The following SCAPER variants were observed in gnomAD, a reference collection of about 807,000 sequenced individuals.
The protein encoded by SCAPER is S-phase cyclin A associated protein in the ER.
In SCAPER, 98 loss-of-function variants were observed where a neutral mutation model predicts 182.2. The ratio of observed to expected loss-of-function variants is 0.54; its 90% CI spans 0.46 to 0.64. The LOEUF (loss-of-function observed/expected upper bound fraction) is 0.64, where lower values mean the gene tolerates loss of function less well. SCAPER is among the 30% of genes least tolerant of loss of function. The pLI is 0.00. For missense variants in SCAPER, 1,432 were observed against 1,690.0 expected (o/e 0.85, Z 2.68); for synonymous variants, 605 against 564.6 (o/e 1.07, Z -1.01).
chr15:76,650,290 A>T (rs982823227), intron 21 of SCAPER, among the ~76,000 whole-genome samples: 3 of 152,052 alleles, frequency 2.0e-5, no homozygotes, highest in African/African-American at 7.2e-5. Flanking sequence ...AAATATAAAG[A>T]GACATAGTTA....
At chr15:76,692,388 G>C (rs1042803354) in intron 20 of SCAPER, among the ~76,000 whole-genome samples, 1 of 152,030 alleles carries the variant, frequency 6.6e-6, no homozygotes, top group African/African-American at 2.4e-5. Context: ...CACCTTAGGA[G>C]TTAGAAAAAT....
chr15:76,821,526 G>T lies in SCAPER; in HGVS notation c.394-16893C>A, dbSNP rs1475504638. On this transcript the variant is annotated intron_variant, in intron 5 of 31. Transcript: ENST00000563290. ...AGTCCCAGCTACTAGAGAGGCTGAGGTTGGGGGGGATCACTTGAGCCTGGG... is the reference window on the plus strand; with the variant it reads ...AGTCCCAGCTACTAGAGAGGCTGAGTTTGGGGGGGATCACTTGAGCCTGGG... Among the ~76,000 whole-genome samples the T allele has an allele frequency of 3.9e-5, 6 of 152,294 alleles. No individual in the cohort carries two copies. In the East Asian group the frequency reaches 1.2e-3, roughly 29 times the overall value.
In SCAPER at chr15:76,464,863, A is replaced by T. The variant is rs2049475500; in HGVS notation, c.3078+6349T>A. Among the ~76,000 whole-genome samples, 3 of 152,212 alleles carry T rather than the reference A, an allele frequency of 2.0e-5. No homozygotes were observed. In the South Asian group the frequency reaches 6.2e-4, roughly 32 times the overall value. ...AGTGCCTGCACCAAAAGTGCACAAC[A>T]TTTCCAATTTCACCACACTCCTACC... is the stretch of plus-strand genomic sequence containing the variant. On this transcript the variant is annotated intron_variant, in intron 25 of 31. Transcript: ENST00000563290.
intron 18 of SCAPER, among the ~76,000 whole-genome samples, chr15:76,705,018 C>G (rs1248527528): frequency 1.3e-5 from 2 of 152,124 alleles, no homozygotes; most frequent in African/African-American, 4.8e-5. Context: ...ACTAGAAATA[C>G]CATTTGACCC....
chr15:76,759,232 G>C (rs189830503), intron 14 of SCAPER, among the ~76,000 whole-genome samples: 2 of 152,078 alleles, frequency 1.3e-5, no homozygotes, highest in South Asian at 2.1e-4. Context: ...AGTCTGTTTT[G>C]TGTTGCTATA....
At chr15:76,470,344 T>C (rs1027420751) in intron 25 of SCAPER, among the ~76,000 whole-genome samples, 1 of 152,140 alleles carries the variant, frequency 6.6e-6, no homozygotes, top group African/African-American at 2.4e-5. Flanking sequence ...ACATAAGAAG[T>C]ATACTTAACC....
intron 5 of SCAPER, among the ~76,000 whole-genome samples, chr15:76,815,708 A>G (rs1212186982): frequency 6.6e-6 from 1 of 152,118 alleles, no homozygotes. Flanking sequence ...CACAAACCCT[A>G]TTGTGAGCGG....
chr15:76,462,079 C>G (rs2049230095), intron 25 of SCAPER, among the ~76,000 whole-genome samples: 3 of 152,160 alleles, frequency 2.0e-5, no homozygotes, highest in South Asian at 4.1e-4. Context: ...CATTCTAGCA[C>G]TTGTCTTTGC....
At chr15:76,615,819 CAAAAAA>C (rs61031189) in intron 22 of SCAPER, among the ~76,000 whole-genome samples, 1 of 82,398 alleles carries the variant, frequency 1.2e-5, no homozygotes. Context: ...GATTCCATCT[CAAAAAA>C]AAAAAAAAAA....
chr15:76,468,852 T>C (rs1283539594), intron 25 of SCAPER, among the ~76,000 whole-genome samples: 1 of 152,112 alleles, frequency 6.6e-6, no homozygotes, highest in Non-Finnish European at 1.5e-5. Flanking sequence ...TGAATGGGAT[T>C]AGTGCCCTTA....
chr15:76,731,092 T>C (rs1468708325), intron 16 of SCAPER, among the ~76,000 whole-genome samples: 2 of 152,054 alleles, frequency 1.3e-5, no homozygotes, highest in East Asian at 1.9e-4. Flanking sequence ...CTGCAAAGGG[T>C]AGGGATTTCT....
intron 14 of SCAPER, among the ~76,000 whole-genome samples, chr15:76,761,290 GT>G (rs1485058744): frequency 6.6e-6 from 1 of 151,874 alleles, no homozygotes; most frequent in Non-Finnish European, 1.5e-5. Flanking sequence ...CCACCGTTTT[GT>G]TGATTTTTTC....
rs187403630 is a variant in SCAPER, at chr15:76,693,514, A to G, written c.2508+8244T>C. Among the ~76,000 whole-genome samples, 180 of 152,316 alleles carry G rather than the reference A, an allele frequency of 1.2e-3. 1 individual carries two copies. Among genetic ancestry groups the G allele is most frequent in the African/African-American group, 4.2e-3 (173 of 41,582 alleles). Reference sequence around the variant, plus strand: ...CTAAGAAAACTGAAAGCAAGGACTCAAACAAATATTTGTATAACCCATGTT... The same window carrying G: ...CTAAGAAAACTGAAAGCAAGGACTCGAACAAATATTTGTATAACCCATGTT... On this transcript the variant is annotated intron_variant, in intron 20 of 31. Coordinates refer to ENST00000563290, the MANE Select transcript of SCAPER (RefSeq NM_020843.4).
At chr15:76,661,946 G>T (rs964931167) in intron 21 of SCAPER, among the ~76,000 whole-genome samples, 1 of 152,140 alleles carries the variant, frequency 6.6e-6, no homozygotes. Context: ...GCCCATCAAT[G>T]ATAGACTGAA....
intron 26 of SCAPER, among the ~76,000 whole-genome samples, chr15:76,420,167 C>A (rs1285115470): frequency 3.3e-5 from 5 of 151,896 alleles, no homozygotes; most frequent in Middle Eastern, 3.5e-3. Flanking sequence ...GACAAACCCA[C>A]AGCTAATGTC....
chr15:76,711,786 T>C (rs2059589160), intron 17 of SCAPER, among the ~76,000 whole-genome samples: 1 of 152,078 alleles, frequency 6.6e-6, no homozygotes, highest in Non-Finnish European at 1.5e-5. Context: ...ATGGGGTTGT[T>C]TGTTTTTTTC....
At chr15:76,762,295 T>C (rs1369852246) in intron 14 of SCAPER, among the ~76,000 whole-genome samples, 1 of 152,074 alleles carries the variant, frequency 6.6e-6, no homozygotes, top group Non-Finnish European at 1.5e-5. Context: ...ATTTTGCTAC[T>C]TATTTTCTCT....
intron 26 of SCAPER, among the ~76,000 whole-genome samples, chr15:76,405,890 T>A (rs1160911311): frequency 6.6e-6 from 1 of 152,214 alleles, no homozygotes; most frequent in South Asian, 2.1e-4. Flanking sequence ...AAAGGAAGGA[T>A]AAACTGATGA....
intron 27 of SCAPER, among the ~76,000 whole-genome samples, chr15:76,392,040 C>A (rs929408564): frequency 6.6e-6 from 1 of 152,150 alleles, no homozygotes; most frequent in Non-Finnish European, 1.5e-5. Context: ...TCAGGAGGGA[C>A]AGCCAACTTT....
Sources: allele counts gnomAD v4.1 joint callset (sites outside exome capture counted in the v4.1 genomes callset), GRCh38; gene constraint gnomAD v4.1.1; transcripts MANE v1.5; gene names NCBI Gene and HGNC (gene_info 2026-07-23, HGNC 2026-07-21).